Variants in DPM2 observed in about 807,000 individuals in gnomAD.
DPM2 encodes dolichol phosphate-mannose biosynthesis regulatory protein.
A neutral mutation model predicts 12.1 loss-of-function variants in DPM2; 8 were observed. The observed-to-expected ratio is 0.66, with a 90% CI of 0.39 to 1.19. DPM2 has a LOEUF of 1.19. Among genes scored for constraint, DPM2 ranks in the 50% most tolerant of loss-of-function variants. The pLI, the probability that DPM2 is intolerant of heterozygous loss-of-function variation, is 0.01. For missense variants in DPM2, 93 were observed against 102.5 expected (o/e 0.91, Z 0.40); for synonymous variants, 38 against 44.7 (o/e 0.85, Z 0.60).
At chr9:127,936,437 C>G in intron 3 of DPM2, 116 bp downstream of exon 3, 1 of 1,606,702 alleles carries the variant, frequency 6.2e-7, no homozygotes, top group Non-Finnish European at 8.5e-7. Flanking sequence ...CAGGAAAACC[C>G]CACGGGTGAG....
rs1588689048 is a variant in DPM2 at position 127,935,595 on chromosome 9, G to T, written c.*127C>A. On this transcript the variant is annotated 3_prime_UTR_variant, in exon 4 of 4. Coordinates refer to ENST00000314392, the MANE Select transcript of DPM2 (RefSeq NM_003863.4). ...GTCAGGTGTAAGCTCCATGCCATGG[G>T]GACTCTGCAGGACAGGCAGGCTTGA... 2 of 916,180 alleles carry T rather than the reference G, an allele frequency of 2.2e-6. No individual in the cohort carries two copies. The highest frequency in any genetic ancestry group is 3.5e-6 in the Non-Finnish European group (2 of 577,924). The allele number at this position is 916,180 out of a possible 1,614,324, so 56.8% of individuals were successfully genotyped here. A position where few individuals can be genotyped will look rare whatever the true frequency, so the allele number is the denominator to read the frequency against.
intron 1 of DPM2, 96 bp from the exon 2 acceptor site, chr9:127,937,619 C>T (rs1460752934): frequency 5.5e-6 from 7 of 1,263,366 alleles, no homozygotes; most frequent in Admixed American, 2.0e-5. Flanking sequence ...TCTAAGCTTC[C>T]CATTCAACAG....
chr9:127,937,184 C>T, intron 2 of DPM2: 1 of 388,260 alleles, frequency 2.6e-6, no homozygotes, highest in Admixed American at 4.1e-5. Context: ...AAAGTCAAAG[C>T]AAGCCGGAAA....
chr9:127,936,763 G>C, intron 2 of DPM2, 108 bp from the exon 3 acceptor site: 1 of 950,154 alleles, frequency 1.1e-6, no homozygotes, highest in South Asian at 3.1e-5. Flanking sequence ...AGAGGACTGG[G>C]ACTGCATTTG....
In DPM2 at chr9:127,936,533, G is replaced by A. The variant is rs139615957; in HGVS notation, c.196+20C>T. The A allele has an allele frequency of 1.9e-6, 3 of 1,601,782 alleles. No homozygotes were observed. The African/African-American group carries it at 4.0e-5, about 21-fold the overall frequency. On this transcript the variant is annotated intron_variant, in intron 3 of 3. Transcript: ENST00000314392. Reference sequence around the variant, plus strand: ...TCCCGAAACCCTGCCCAGGGTCAAGGGGAGGAGGTGATGACTTACCCACAA... The same window carrying A: ...TCCCGAAACCCTGCCCAGGGTCAAGAGGAGGAGGTGATGACTTACCCACAA...
intron 1 of DPM2, 147 bp from the exon 2 acceptor site, chr9:127,937,670 G>T: frequency 8.0e-7 from 1 of 1,252,202 alleles, no homozygotes; most frequent in Non-Finnish European, 1.2e-6. Flanking sequence ...TAGGCTGGGA[G>T]AGAATGCTAG....
chr9:127,936,268 T>A (rs1588689476), intron 3 of DPM2: 1 of 1,435,028 alleles, frequency 7.0e-7, no homozygotes, highest in Admixed American at 3.0e-5. Context: ...GAGAGAGAGG[T>A]GCAGGAATTA....
chr9:127,935,377 C>T lies in DPM2; in HGVS notation c.*345G>A, dbSNP rs920699276. Reference sequence around the variant, plus strand: ...TGGCCTTAGAACCTGCTAAGTCCAACGTCAGCATGTGACAGGAGGGGAAGT... The same window carrying T: ...TGGCCTTAGAACCTGCTAAGTCCAATGTCAGCATGTGACAGGAGGGGAAGT... On this transcript the variant is annotated 3_prime_UTR_variant, in exon 4 of 4. Coordinates refer to ENST00000314392, the MANE Select transcript of DPM2 (RefSeq NM_003863.4). The T allele has an allele frequency of 7.5e-6, 3 of 402,324 alleles. No individual in the cohort carries two copies. The highest frequency in any genetic ancestry group is 1.4e-5 in the Non-Finnish European group (3 of 214,244). 24.9% of individuals were successfully genotyped at this position (402,324 alleles called of 1,614,324 possible). A position where few individuals can be genotyped will look rare whatever the true frequency, so the allele number is the denominator to read the frequency against.
At position 127,935,781 on chromosome 9, in the gene DPM2, C is replaced by G; in HGVS notation, c.197-1G>C. On this transcript the variant is annotated splice_acceptor_variant, in intron 3 of 3. Coordinates refer to ENST00000314392, the MANE Select transcript of DPM2 (RefSeq NM_003863.4). LOFTEE classifies it high-confidence loss of function. The stretch of plus-strand genomic sequence containing the variant: ...AGCATCACATAGGAGATGAACAGTC[C>G]TGGGATACACAGACCAGAAAGGCCA... 1 of 1,613,238 alleles carries G rather than the reference C, an allele frequency of 6.2e-7. No homozygotes were observed. The highest frequency in any genetic ancestry group is 8.5e-7 in the Non-Finnish European group (1 of 1,179,270).
chr9:127,937,239 T>C (rs575515921), intron 2 of DPM2, 195 bp downstream of exon 2: 3 of 489,908 alleles, frequency 6.1e-6, no homozygotes, highest in African/African-American at 2.0e-5. Context: ...TTGGGCCAGA[T>C]CCTTCTCCCC....
chr9:127,937,683 C>A, intron 1 of DPM2, 135 bp downstream of exon 1: 2 of 1,304,720 alleles, frequency 1.5e-6, no homozygotes, highest in Non-Finnish European at 2.2e-6. Context: ...AATGCTAGGC[C>A]TCCGCGTTGT....
Position 127,935,410 on chromosome 9 carries a change from G to T in DPM2, c.*312C>A, listed in dbSNP as rs1831488317. On this transcript the variant is annotated 3_prime_UTR_variant, in exon 4 of 4. Coordinates refer to ENST00000314392, the MANE Select transcript of DPM2 (RefSeq NM_003863.4). ...TGTGACAGGAGGGGAAGTGAGGCAAGACGGCAGAACCCAGGGGAAAAGGTG... is the reference window on the plus strand; with the variant it reads ...TGTGACAGGAGGGGAAGTGAGGCAATACGGCAGAACCCAGGGGAAAAGGTG... 2 of 466,194 alleles carry T rather than the reference G, an allele frequency of 4.3e-6. No individual in the cohort carries two copies. The highest frequency in any genetic ancestry group is 4.6e-5 in the South Asian group (2 of 43,100). The allele number at this position is 466,194 out of a possible 1,614,324, so 28.9% of individuals were successfully genotyped here.
intron 3 of DPM2, chr9:127,936,167 A>G: frequency 9.8e-7 from 1 of 1,024,020 alleles, no homozygotes; most frequent in Non-Finnish European, 1.4e-6. Flanking sequence ...GACTCATCCA[A>G]ATGACTTTCT....
chr9:127,936,282 G>A (rs1831503254), intron 3 of DPM2: 2 of 1,443,924 alleles, frequency 1.4e-6, no homozygotes, highest in South Asian at 3.0e-5. Context: ...GGAATTAGAA[G>A]CCAGGGTGAC....
At chr9:127,936,773 G>C (rs760946569) in intron 2 of DPM2, 118 bp from the exon 3 acceptor site, 29 of 883,652 alleles carry the variant, frequency 3.3e-5, no homozygotes, top group Non-Finnish European at 4.3e-5. Context: ...GACTGCATTT[G>C]CTTTTCTTTA....
In DPM2 at chr9:127,937,423, G is replaced by C; in HGVS notation, c.93+11C>G. ...GGGGAAGGTGAGCAGCGGACGGGGAGAATGACATACCAAGAGAATCACCCA... is the reference window on the plus strand; with the variant it reads ...GGGGAAGGTGAGCAGCGGACGGGGACAATGACATACCAAGAGAATCACCCA... On this transcript the variant is annotated intron_variant, in intron 2 of 3. Coordinates refer to ENST00000314392, the MANE Select transcript of DPM2 (RefSeq NM_003863.4). The C allele has an allele frequency of 6.2e-7, 1 of 1,608,862 alleles. No homozygotes were observed. The highest frequency in any genetic ancestry group is 8.5e-7 in the Non-Finnish European group (1 of 1,176,192).
chr9:127,935,543 T>C lies in DPM2; in HGVS notation c.*179A>G. On this transcript the variant is annotated 3_prime_UTR_variant, in exon 4 of 4. Transcript: ENST00000314392. ...ATCCCTCCCTCCTAGCTTCTGGAAGTGGGAGTCGGGGAGGGGGCTCCAGTC... is the reference window on the plus strand; with the variant it reads ...ATCCCTCCCTCCTAGCTTCTGGAAGCGGGAGTCGGGGAGGGGGCTCCAGTC... 1.5e-6 allele frequency: 1 copy of C among 658,782 alleles called. No homozygotes were observed. Among genetic ancestry groups the C allele is most frequent in the Non-Finnish European group, 2.7e-6 (1 of 374,456 alleles). The allele number at this position is 658,782 out of a possible 1,614,324, so 40.8% of individuals were successfully genotyped here.
intron 2 of DPM2, 107 bp from the exon 3 acceptor site, chr9:127,936,762 G>A (rs1023212396): frequency 1.0e-6 from 1 of 968,062 alleles, no homozygotes; most frequent in Non-Finnish European, 1.4e-6. Flanking sequence ...CAGAGGACTG[G>A]GACTGCATTT....
In DPM2 at chr9:127,937,848, G is replaced by C; in HGVS notation, c.-28C>G. 8 of 1,593,948 alleles carry C rather than the reference G, an allele frequency of 5.0e-6. No homozygotes were observed. The highest frequency in any genetic ancestry group is 6.8e-6 in the Non-Finnish European group (8 of 1,171,814). The stretch of plus-strand genomic sequence containing the variant: ...CCCCGCGCGCTCAGCCACCCGAGCC[G>C]CAAGCCACATCCGGTTCCGGGTCCA... On this transcript the variant is annotated 5_prime_UTR_variant, in exon 1 of 4. Transcript: ENST00000314392.
Sources: allele counts gnomAD v4.1 joint callset, GRCh38; gene constraint gnomAD v4.1.1; transcripts MANE v1.5; gene names NCBI Gene and HGNC (gene_info 2026-07-23, HGNC 2026-07-21).